Variants in GNA14 observed in about 807,000 individuals in gnomAD.
GNA14 encodes the protein G protein subunit alpha 14.
Under a neutral mutation model 42.0 loss-of-function variants are expected in GNA14, and 50 were observed. The observed-to-expected ratio is 1.19, with a 90% CI of 0.95 to 1.51. The LOEUF is 1.51. GNA14 is among the 40% of genes most tolerant of loss of function. GNA14 has a pLI of 0.00. For missense variants in GNA14, 473 were observed against 446.2 expected, an observed-to-expected ratio of 1.06 and a Z score of -0.54; for synonymous variants, 173 against 163.1, an observed-to-expected ratio of 1.06 and a Z score of -0.46.
At chr9:77,591,683 T>A (rs1351552736) in intron 1 of GNA14, among the ~76,000 whole-genome samples, 4 of 152,218 alleles carry the variant, frequency 2.6e-5, no homozygotes, top group Admixed American at 6.5e-5. Context: ...ATCAAACATG[T>A]CTCTTAGATT....
At chr9:77,508,642 C>A (rs763278572) in intron 2 of GNA14, among the ~76,000 whole-genome samples, 4 of 152,146 alleles carry the variant, frequency 2.6e-5, no homozygotes, top group Non-Finnish European at 4.4e-5. Flanking sequence ...CATGTAACAA[C>A]CAAATACATG....
chr9:77,602,080 A>G (rs1823575694), intron 1 of GNA14, among the ~76,000 whole-genome samples: 1 of 152,184 alleles, frequency 6.6e-6, no homozygotes, highest in South Asian at 2.1e-4. Context: ...TTGTCCTCAC[A>G]CATACGTCTT....
intron 1 of GNA14, among the ~76,000 whole-genome samples, chr9:77,587,618 C>T (rs1281320195): frequency 6.6e-6 from 1 of 152,076 alleles, no homozygotes; most frequent in Non-Finnish European, 1.5e-5. Context: ...TGGTGGTTAT[C>T]TGGGGGAGGT....
intron 2 of GNA14, among the ~76,000 whole-genome samples, chr9:77,483,175 C>G (rs1475617359): frequency 6.6e-6 from 1 of 152,148 alleles, no homozygotes; most frequent in Non-Finnish European, 1.5e-5. Context: ...TTTTCCCCAT[C>G]TTTGTGGTTT....
intron 2 of GNA14, among the ~76,000 whole-genome samples, chr9:77,508,962 T>C (rs1299657087): frequency 2.0e-5 from 3 of 152,122 alleles, no homozygotes; most frequent in African/African-American, 7.2e-5. Context: ...ATACCTAACA[T>C]AAAGTTTAAC....
intron 1 of GNA14, among the ~76,000 whole-genome samples, chr9:77,575,474 A>G (rs1823113890): frequency 6.6e-6 from 1 of 152,218 alleles, no homozygotes; most frequent in Non-Finnish European, 1.5e-5. Context: ...AACTTTCCAC[A>G]TGAAAAAAAT....
intron 1 of GNA14, among the ~76,000 whole-genome samples, chr9:77,547,339 AAATCCTATTTG>A (rs1837732433): frequency 2.6e-5 from 4 of 152,242 alleles, no homozygotes; most frequent in Admixed American, 1.3e-4. Flanking sequence ...CTTTCCACCA[AAATCCTATTTG>A]ATGTATCTTC....
chr9:77,574,966 G>A (rs1230019956), intron 1 of GNA14, among the ~76,000 whole-genome samples: 1 of 152,200 alleles, frequency 6.6e-6, no homozygotes, highest in South Asian at 2.1e-4. Flanking sequence ...TTCTGTAGAA[G>A]AGTAAATCAG....
intron 1 of GNA14, among the ~76,000 whole-genome samples, chr9:77,533,208 G>T (rs1177791791): frequency 6.6e-6 from 1 of 152,070 alleles, no homozygotes; most frequent in Non-Finnish European, 1.5e-5. Flanking sequence ...ACAGAGTCTT[G>T]CTCTGTTGCT....
chr9:77,438,329 C>T (rs1835671680), intron 2 of GNA14, among the ~76,000 whole-genome samples: 1 of 151,940 alleles, frequency 6.6e-6, no homozygotes, highest in Non-Finnish European at 1.5e-5. Flanking sequence ...CACAACGGCG[C>T]GATCTCAGCT....
intron 1 of GNA14, among the ~76,000 whole-genome samples, chr9:77,618,791 G>A (rs1286575062): frequency 2.7e-5 from 4 of 146,402 alleles, no homozygotes; most frequent in Non-Finnish European, 4.5e-5. Context: ...CCGCCACTAC[G>A]CCCGGCTAAT....
intron 1 of GNA14, among the ~76,000 whole-genome samples, chr9:77,604,611 C>G (rs1013532052): frequency 1.6e-4 from 24 of 152,182 alleles, no homozygotes; most frequent in African/African-American, 5.6e-4. Flanking sequence ...CCTGACCATC[C>G]ACCTTTCAGT....
rs1353714886 is a variant in GNA14 at position 77,615,849 on chromosome 9, G to GT, written c.124+31820dup. Among the ~76,000 whole-genome samples the GT allele has an allele frequency of 2.9e-5, 4 of 137,016 alleles. No homozygotes were observed. The South Asian group carries it at 9.1e-4, about 31-fold the overall frequency. 89.9% of individuals were successfully genotyped at this position (137,016 alleles called of 152,430 possible). ...AGAATCATCAGTTCTTTTGGTTTTT[G>GT]TTTTTTTGTTTTTTGGGGTTTTTTT... On this transcript the variant is annotated intron_variant, in intron 1 of 6. Coordinates refer to ENST00000341700, the MANE Select transcript of GNA14 (RefSeq NM_004297.4).
chr9:77,423,956 AG>A lies in GNA14; in HGVS notation c.*22del. 1 of 1,528,798 alleles carries A rather than the reference AG, an allele frequency of 6.5e-7. No homozygotes were observed. Among genetic ancestry groups the A allele is most frequent in the Non-Finnish European group, 8.9e-7 (1 of 1,126,598 alleles). The allele number at this position is 1,528,798 out of a possible 1,614,324, so 94.7% of individuals were successfully genotyped here. ...GTTTGCAAATCACATCTTCTGTTAT[AG>A]GGGAGGAGTGGGCAGCAGCTTTTAG... On this transcript the variant is annotated 3_prime_UTR_variant, in exon 7 of 7. Transcript: ENST00000341700.
At chr9:77,505,531 T>G (rs1268649428) in intron 2 of GNA14, among the ~76,000 whole-genome samples, 4 of 152,186 alleles carry the variant, frequency 2.6e-5, no homozygotes, top group Non-Finnish European at 5.9e-5. Context: ...TTTTTGTTCT[T>G]GAGGACACAG....
intron 2 of GNA14, among the ~76,000 whole-genome samples, chr9:77,471,694 G>A (rs572525352): frequency 6.6e-6 from 1 of 152,166 alleles, no homozygotes; most frequent in South Asian, 2.1e-4. Context: ...AAAAGTTAGT[G>A]CTAGGCCTGA....
chr9:77,562,236 T>C (rs1159112295), intron 1 of GNA14, among the ~76,000 whole-genome samples: 1 of 152,154 alleles, frequency 6.6e-6, no homozygotes, highest in East Asian at 1.9e-4. Context: ...CAGTGTATGA[T>C]CATGTTTGAG....
At chr9:77,617,000 G>A (rs570511012) in intron 1 of GNA14, among the ~76,000 whole-genome samples, 3 of 152,046 alleles carry the variant, frequency 2.0e-5, no homozygotes, top group South Asian at 2.1e-4. Context: ...CTCCTGAGTC[G>A]CTGGGACTAC....
intron 2 of GNA14, among the ~76,000 whole-genome samples, chr9:77,481,354 C>T (rs1293563731): frequency 1.2e-4 from 19 of 152,086 alleles, no homozygotes; most frequent in Admixed American, 3.9e-4. Context: ...TGTAGTTGAG[C>T]GGTTTTAAGT....
Sources: allele counts gnomAD v4.1 joint callset (sites outside exome capture counted in the v4.1 genomes callset), GRCh38; gene constraint gnomAD v4.1.1; transcripts MANE v1.5; gene names NCBI Gene and HGNC (gene_info 2026-07-23, HGNC 2026-07-21).